The following PPP3CC variants were observed in gnomAD, a reference collection of about 807,000 sequenced individuals.
PPP3CC encodes the protein protein phosphatase 3 catalytic subunit gamma.
In PPP3CC, 35 loss-of-function variants were observed where a neutral mutation model predicts 60.3. That is an observed-to-expected ratio of 0.58 (90% CI 0.44 to 0.77). PPP3CC has a LOEUF of 0.77. PPP3CC is among the 30% of genes least tolerant of loss of function. The probability of loss-of-function intolerance (pLI) is 0.00; values close to 1 mark genes in which losing one functional copy is unlikely to be tolerated. For missense variants in PPP3CC, 570 were observed against 628.9 expected, an observed-to-expected ratio of 0.91 and a Z score of 1.00; for synonymous variants, 206 against 224.3, an observed-to-expected ratio of 0.92 and a Z score of 0.73.
chr8:22,494,129 T>C (rs1362763045), intron 3 of PPP3CC, among the ~76,000 whole-genome samples: 2 of 152,222 alleles, frequency 1.3e-5, no homozygotes, highest in Non-Finnish European at 2.9e-5. Context: ...TTTCTCAACA[T>C]AGGCCTCTGT....
At chr8:22,465,806 ATAT>A (rs1193584284) in intron 1 of PPP3CC, among the ~76,000 whole-genome samples, 5 of 152,126 alleles carry the variant, frequency 3.3e-5, no homozygotes, top group Middle Eastern at 3.2e-3. Context: ...AGAGTGAGAA[ATAT>A]TATTGTAGCC....
chr8:22,534,597 T>C (rs1323455894), intron 12 of PPP3CC, among the ~76,000 whole-genome samples: 2 of 152,198 alleles, frequency 1.3e-5, no homozygotes, highest in Non-Finnish European at 2.9e-5. Flanking sequence ...CTGGTGTATA[T>C]CCAAGAGAAA....
rs568471089 is a variant in PPP3CC at position 22,453,976 on chromosome 8, C to T, written c.49+12518C>T. Among the ~76,000 whole-genome samples, 8 of 152,298 alleles carry T rather than the reference C, an allele frequency of 5.3e-5. No homozygotes were observed. The South Asian group carries it at 1.7e-3, about 32-fold the overall frequency. On this transcript the variant is annotated intron_variant, in intron 1 of 13. Coordinates refer to ENST00000240139, the MANE Select transcript of PPP3CC (RefSeq NM_005605.5). Reference sequence around the variant, plus strand: ...GTGAATGTGAAGGCCTAGGGCATTACTGTAGAACACCGCAGGCTTTACAAA... The same window carrying T: ...GTGAATGTGAAGGCCTAGGGCATTATTGTAGAACACCGCAGGCTTTACAAA...
intron 6 of PPP3CC, among the ~76,000 whole-genome samples, chr8:22,516,835 G>C (rs1839258401): frequency 6.6e-6 from 1 of 151,972 alleles, no homozygotes; most frequent in African/African-American, 2.4e-5. Flanking sequence ...AAAAGGCTGT[G>C]GTATGTCTTA....
At chr8:22,455,821 CTTAG>C (rs1007187830) in intron 1 of PPP3CC, among the ~76,000 whole-genome samples, 2 of 151,696 alleles carry the variant, frequency 1.3e-5, no homozygotes, top group African/African-American at 4.8e-5. Context: ...ACTATTATTA[CTTAG>C]TTGGTTCTAG....
In PPP3CC at chr8:22,527,274, T is replaced by G. The variant is rs1032682559; in HGVS notation, c.944-118T>G. On this transcript the variant is annotated intron_variant, in intron 8 of 13. Transcript: ENST00000240139. ...ATCTGCCCTTTACCTAGTCAAGTCC[T>G]GACTTTACAAATGGAAAGTTCTCGA... is the stretch of plus-strand genomic sequence containing the variant. The G allele has an allele frequency of 1.8e-5, 21 of 1,187,788 alleles. No individual in the cohort carries two copies. In the African/African-American group the frequency reaches 3.2e-4, roughly 18 times the overall value. The allele number at this position is 1,187,788 out of a possible 1,614,324, so 73.6% of individuals were successfully genotyped here. A position where few individuals can be genotyped will look rare whatever the true frequency, so the allele number is the denominator to read the frequency against.
Position 22,453,093 on chromosome 8 carries a change from G to A in PPP3CC, c.49+11635G>A, listed in dbSNP as rs550149612. On this transcript the variant is annotated intron_variant, in intron 1 of 13. Transcript: ENST00000240139. The stretch of plus-strand genomic sequence containing the variant: ...TGATTACCAGCCGTGTGGCCTTTGA[G>A]CTTTGTTATTTATTTTCCTTGCCAC... Among the ~76,000 whole-genome samples the A allele has an allele frequency of 3.3e-5, 5 of 152,280 alleles. No homozygotes were observed. In the South Asian group the frequency reaches 1.0e-3, roughly 32 times the overall value.
At chr8:22,454,162 A>G (rs1586787532) in intron 1 of PPP3CC, among the ~76,000 whole-genome samples, 2 of 152,238 alleles carry the variant, frequency 1.3e-5, no homozygotes, top group African/African-American at 4.8e-5. Flanking sequence ...ATAGCTGTAC[A>G]TATTTTCTTT....
intron 1 of PPP3CC, among the ~76,000 whole-genome samples, chr8:22,462,653 C>G (rs1270282631): frequency 6.6e-6 from 1 of 151,786 alleles, no homozygotes; most frequent in African/African-American, 2.4e-5. Context: ...TCACTGCAAG[C>G]TCCGCCTCCT....
intron 1 of PPP3CC, among the ~76,000 whole-genome samples, chr8:22,470,057 T>TAC (rs1200011074): frequency 1.2e-3 from 170 of 144,546 alleles, no homozygotes; most frequent in East Asian, 2.5e-3. Context: ...GATATATATA[T>TAC]ATACACACAC....
chr8:22,525,460 CTTTTCTTTCT>C (rs1480804984), intron 8 of PPP3CC, among the ~76,000 whole-genome samples: 10 of 150,280 alleles, frequency 6.7e-5, no homozygotes, highest in African/African-American at 2.2e-4. Context: ...CTCTCTCTTT[CTTTTCTTTCT>C]TTTTCTTTCT....
chr8:22,494,365 A>G (rs1392752628), intron 3 of PPP3CC, among the ~76,000 whole-genome samples: 1 of 152,174 alleles, frequency 6.6e-6, no homozygotes, highest in East Asian at 1.9e-4. Context: ...CACTATTACA[A>G]GAATAGCACA....
In PPP3CC at chr8:22,540,615, C is replaced by T. The variant is rs1270286713; in HGVS notation, c.1352C>T (p.Ala451Val). The change falls in exon 14 of 14, where the codon GCC becomes GTC. Residue 451 changes from alanine to valine, a missense_variant and splice_region_variant. Transcript: ENST00000240139. ...ATVEAVEARE[A>V]IRGFSLQHKI... ...CCACCTGCTTCCTGTTTTTCTGTAGCCATCAGAGGGTTCTCGCTTCAGCAC... is the reference window on the plus strand; with the variant it reads ...CCACCTGCTTCCTGTTTTTCTGTAGTCATCAGAGGGTTCTCGCTTCAGCAC... 6.2e-7 allele frequency: 1 copy of T among 1,609,758 alleles called. No individual in the cohort carries two copies. Among genetic ancestry groups the T allele is most frequent in the East Asian group, 2.2e-5 (1 of 44,828 alleles).
intron 1 of PPP3CC, among the ~76,000 whole-genome samples, chr8:22,445,716 A>G (rs1186260267): frequency 6.6e-6 from 1 of 152,220 alleles, no homozygotes; most frequent in Non-Finnish European, 1.5e-5. Context: ...ACTTGATACA[A>G]TACCAACCCA....
chr8:22,501,946 G>A (rs1341692114), intron 4 of PPP3CC, among the ~76,000 whole-genome samples: 1 of 152,222 alleles, frequency 6.6e-6, no homozygotes, highest in African/African-American at 2.4e-5. Context: ...AGGATAGATT[G>A]AGCCTGGGTG....
chr8:22,527,605 G>T, intron 9 of PPP3CC, 88 bp downstream of exon 9: 88 of 1,385,114 alleles, frequency 6.4e-5, no homozygotes, highest in East Asian at 2.2e-4. Flanking sequence ...ATTCAGAAAT[G>T]TTTTCTAATT....
chr8:22,453,366 C>T (rs1450583836), intron 1 of PPP3CC, among the ~76,000 whole-genome samples: 1 of 152,110 alleles, frequency 6.6e-6, no homozygotes. Context: ...CTTAATAATT[C>T]GGAGTTCTGA....
intron 10 of PPP3CC, 124 bp downstream of exon 10, chr8:22,528,701 TA>T (rs774801496): frequency 1.1e-5 from 8 of 737,766 alleles, no homozygotes; most frequent in Admixed American, 3.7e-5. Flanking sequence ...TGTAGAAAAA[TA>T]AAATTTGAAA....
chr8:22,461,122 G>A (rs1001296970), intron 1 of PPP3CC, among the ~76,000 whole-genome samples: 1 of 152,154 alleles, frequency 6.6e-6, no homozygotes, highest in Admixed American at 6.5e-5. Flanking sequence ...AGGATTACAG[G>A]CGTGAGCCAC....
Sources: gnomAD v4.1 joint callset for allele counts (sites outside exome capture counted in the v4.1 genomes callset) on GRCh38, gnomAD v4.1.1 for gene constraint, MANE v1.5 for transcripts, NCBI Gene and HGNC (gene_info 2026-07-23, HGNC 2026-07-21) for gene names.